Variants in GPRC5C observed in about 807,000 individuals in gnomAD.
GPRC5C encodes G protein-coupled receptor family C group 5 member C.
In GPRC5C, 22 loss-of-function variants were observed where a neutral mutation model predicts 31.4. The ratio of observed to expected loss-of-function variants is 0.70; its 90% CI spans 0.50 to 1.00. The LOEUF (loss-of-function observed/expected upper bound fraction) is 1.00. GPRC5C is among the 50% of genes least tolerant of loss of function. GPRC5C has a pLI of 0.00. For missense variants in GPRC5C, 557 were observed against 597.2 expected, an observed-to-expected ratio of 0.93 and a Z score of 0.70; for synonymous variants, 249 against 257.5, an observed-to-expected ratio of 0.97 and a Z score of 0.32.
intron 2 of GPRC5C, among the ~76,000 whole-genome samples, chr17:74,441,543 G>A (rs563478414): frequency 1.4e-4 from 22 of 151,958 alleles, no homozygotes; most frequent in South Asian, 4.2e-4. Flanking sequence ...AATTAGTGCC[G>A]GCTGGGCGCC....
Position 74,439,806 on chromosome 17 carries a change from C to A in GPRC5C, c.30C>A (p.Cys10Ter), listed in dbSNP as rs1461517396. 1 of 1,613,444 alleles carries A rather than the reference C, an allele frequency of 6.2e-7. No individual in the cohort carries two copies. The highest frequency in any genetic ancestry group is 1.3e-5 in the African/African-American group (1 of 74,922). The change falls in exon 2 of 4, where the codon TGC (cysteine) becomes TGA (stop). Residue 10 changes from cysteine (C) to a stop codon, truncating the protein, a stop_gained. Transcript: ENST00000392627. LOFTEE classifies it high-confidence loss of function. MAIHKALVM[C>*]LGLPLFLFPG... Reference sequence around the variant, plus strand: ...CCATCCACAAAGCCTTGGTGATGTGCCTGGGACTGCCTCTCTTCCTGTTCC... The same window carrying A: ...CCATCCACAAAGCCTTGGTGATGTGACTGGGACTGCCTCTCTTCCTGTTCC...
chr17:74,443,996 C>A, intron 3 of GPRC5C, 84 bp downstream of exon 3: 1 of 962,516 alleles, frequency 1.0e-6, no homozygotes, highest in South Asian at 1.4e-5. Context: ...GCCATGTGGC[C>A]AGAGCTGGGT....
At chr17:74,450,672 C>T (rs1319663538), downstream of GPRC5C, 1 of 152,190 alleles carries the variant, frequency 6.6e-6, no homozygotes, top group East Asian at 1.9e-4. Flanking sequence ...GTATTTTGAG[C>T]CCTCGGACAT....
In GPRC5C at chr17:74,432,433, G is replaced by A. The variant is rs1291183546; in HGVS notation, c.-33+292G>A. The A allele has an allele frequency of 7.1e-6, 8 of 1,129,382 alleles. No individual in the cohort carries two copies. The African/African-American group carries it at 9.8e-5, about 14-fold the overall frequency. The allele number at this position is 1,129,382 out of a possible 1,614,324, so 70.0% of individuals were successfully genotyped here. ...GACCGGGCCTGGCCCAGCGCCCCGC[G>A]CCGCGTCCCTCCCACCCCCGCCCGC... On this transcript the variant is annotated intron_variant, in intron 1 of 3. Transcript: ENST00000392627.
downstream of GPRC5C, chr17:74,449,713 T>C: frequency 4.4e-6 from 1 of 227,830 alleles, no homozygotes; most frequent in Non-Finnish European, 8.9e-6. Flanking sequence ...CAGATTGCCT[T>C]CTTCCCCTCT....
chr17:74,441,939 T>C (rs2055548118), intron 2 of GPRC5C, among the ~76,000 whole-genome samples: 1 of 152,270 alleles, frequency 6.6e-6, no homozygotes, highest in Admixed American at 6.5e-5. Flanking sequence ...TGTTTTTCTA[T>C]TATGTATGTA....
intron 1 of GPRC5C, among the ~76,000 whole-genome samples, chr17:74,438,600 T>C (rs1183880395): frequency 1.3e-5 from 2 of 152,124 alleles, no homozygotes; most frequent in Non-Finnish European, 2.9e-5. Context: ...GGTTTCACCA[T>C]GTTGCCCAGG....
intron 1 of GPRC5C, among the ~76,000 whole-genome samples, chr17:74,439,121 A>G (rs1033557738): frequency 2.9e-4 from 44 of 152,172 alleles, no homozygotes; most frequent in Admixed American, 2.9e-3. Flanking sequence ...TTCACCCTTG[A>G]CTTCCGCTTC....
chr17:74,434,957 C>T (rs1219393388), intron 1 of GPRC5C, among the ~76,000 whole-genome samples: 2 of 151,632 alleles, frequency 1.3e-5, no homozygotes, highest in Admixed American at 6.6e-5. Context: ...CAGTGGCTCA[C>T]GCCTGTAATC....
chr17:74,449,736 C>G, downstream of GPRC5C: 1 of 207,440 alleles, frequency 4.8e-6, no homozygotes, highest in Non-Finnish European at 9.9e-6. Flanking sequence ...GAACAACAGG[C>G]CTCAGTGCCC....
chr17:74,442,832 G>T (rs938506761), intron 2 of GPRC5C, among the ~76,000 whole-genome samples: 1 of 152,138 alleles, frequency 6.6e-6, no homozygotes, highest in East Asian at 1.9e-4. Flanking sequence ...GGTGTGCATG[G>T]CGGGGGTGGA....
Position 74,440,808 on chromosome 17 carries a change from C to T in GPRC5C, c.1032C>T (p.Ser344=), listed in dbSNP as rs2055525995. The T allele has an allele frequency of 6.7e-7, 1 of 1,495,190 alleles. No homozygotes were observed. The highest frequency in any genetic ancestry group is 2.1e-5 in the Admixed American group (1 of 46,874). The allele number at this position is 1,495,190 out of a possible 1,614,324, so 92.6% of individuals were successfully genotyped here. A position where few individuals can be genotyped will look rare whatever the true frequency, so the allele number is the denominator to read the frequency against. ...QSMFVENKAF[S]MDEPVAAKRP... ...TGTTCGTGGAGAACAAGGCCTTTTC[C>T]ATGGATGAGCCGGTTGCAGGTGGGT... The change falls in exon 2 of 4, where the codon TCC becomes TCT. Residue 344 remains serine (S), a synonymous_variant. Coordinates refer to ENST00000392627, the MANE Select transcript of GPRC5C (RefSeq NM_022036.4). This position sits in a 1 kb window ranked among gnomAD's most constrained non-coding sequence, Gnocchi z 4.4.
downstream of GPRC5C, chr17:74,449,680 C>G (rs2055693500): frequency 4.9e-6 from 1 of 202,828 alleles, no homozygotes; most frequent in East Asian, 1.4e-4. Flanking sequence ...AAATCATAGT[C>G]CCTGTGTCCC....
chr17:74,439,769 G>T lies in GPRC5C; in HGVS notation c.-8G>T. On this transcript the variant is annotated 5_prime_UTR_variant, in exon 2 of 4. Coordinates refer to ENST00000392627, the MANE Select transcript of GPRC5C (RefSeq NM_022036.4). Reference sequence around the variant, plus strand: ...GGGACCCAACCAGAGCCTGGCCTGGGAGCCAGGATGGCCATCCACAAAGCC... The same window carrying T: ...GGGACCCAACCAGAGCCTGGCCTGGTAGCCAGGATGGCCATCCACAAAGCC... The T allele has an allele frequency of 1.2e-6, 2 of 1,608,956 alleles. No individual in the cohort carries two copies. The highest frequency in any genetic ancestry group is 1.7e-6 in the Non-Finnish European group (2 of 1,176,808).
At chr17:74,444,565 G>A (rs908597660) in intron 3 of GPRC5C, among the ~76,000 whole-genome samples, 2 of 152,144 alleles carry the variant, frequency 1.3e-5, no homozygotes, top group African/African-American at 4.8e-5. Context: ...AGGACACTGG[G>A]AACAGGAAAC....
rs1567963560 is a variant in GPRC5C, at chr17:74,443,915, A to G, written c.1146+3A>G. 5.0e-6 allele frequency: 8 copies of G among 1,598,704 alleles called. No homozygotes were observed. Among genetic ancestry groups the G allele is most frequent in the Non-Finnish European group, 6.9e-6 (8 of 1,166,432 alleles). On this transcript the variant is annotated splice_donor_region_variant and intron_variant, in intron 3 of 3. Coordinates refer to ENST00000392627, the MANE Select transcript of GPRC5C (RefSeq NM_022036.4). ...TGGCCCTGATGCACAAAGTTCCGGTAAGTGGGTTCCCCAGGTCCCCGTGAC... is the reference window on the plus strand; with the variant it reads ...TGGCCCTGATGCACAAAGTTCCGGTGAGTGGGTTCCCCAGGTCCCCGTGAC...
Position 74,443,869 on chromosome 17 carries a change from G to A in GPRC5C, c.1103G>A (p.Ser368Asn). 11 of 1,613,666 alleles carry A rather than the reference G, an allele frequency of 6.8e-6. No individual in the cohort carries two copies. Among genetic ancestry groups the A allele is most frequent in the Non-Finnish European group, 7.6e-6 (9 of 1,179,608 alleles). Residue 368 changes from serine (S) to asparagine (N), a missense_variant, in exon 3 of 4, where the codon AGT becomes AAT. Ser to Asn is a conservative substitution (Grantham distance 46). Transcript: ENST00000392627. Reference protein sequence around the residue: ...YSGYNGQLLTSVYQPTEMALM... With the variant: ...YSGYNGQLLTNVYQPTEMALM... ...GGGTACAATGGGCAGCTGCTGACCA[G>A]TGTGTACCAGCCCACTGAGATGGCC... is the stretch of plus-strand genomic sequence containing the variant.
intron 1 of GPRC5C, among the ~76,000 whole-genome samples, chr17:74,438,871 C>A (rs1463201803): frequency 6.6e-6 from 1 of 152,208 alleles, no homozygotes; most frequent in East Asian, 1.9e-4. Context: ...TCTTCTCTGG[C>A]ACAGATCTGT....
rs1212580003 is a variant in GPRC5C at position 74,434,250 on chromosome 17, G to A, written c.-33+2109G>A. 2.6e-5 allele frequency among the ~76,000 whole-genome samples: 4 copies of A among 152,208 alleles called. No homozygotes were observed. The East Asian group carries it at 7.7e-4, about 29-fold the overall frequency. On this transcript the variant is annotated intron_variant, in intron 1 of 3. Transcript: ENST00000392627. ...GGGGTGGGGGAGACTCAGGGCGGAAGGAGGTTCCCCTCCTACCCCCCTCCT... is the reference window on the plus strand; with the variant it reads ...GGGGTGGGGGAGACTCAGGGCGGAAAGAGGTTCCCCTCCTACCCCCCTCCT...
Sources: allele counts gnomAD v4.1 joint callset (sites outside exome capture counted in the v4.1 genomes callset), GRCh38; gene constraint gnomAD v4.1.1; non-coding constraint Gnocchi (gnomAD v3.1); transcripts MANE v1.5; gene names NCBI Gene and HGNC (gene_info 2026-07-23, HGNC 2026-07-21).